Variants in ASB18 observed in about 807,000 individuals in gnomAD.
The protein encoded by ASB18 is ankyrin repeat and SOCS box protein 18.
In ASB18, 33 loss-of-function variants were observed where a neutral mutation model predicts 33.4. That is an observed-to-expected ratio of 0.99 (90% CI 0.75 to 1.32). The LOEUF is 1.32. ASB18 is among the 40% of genes most tolerant of loss of function. ASB18 has a pLI of 0.00. For missense variants in ASB18, 694 were observed against 655.5 expected, an observed-to-expected ratio of 1.06 and a Z score of -0.64; for synonymous variants, 295 against 307.6, an observed-to-expected ratio of 0.96 and a Z score of 0.43.
intron 1 of ASB18, chr2:236,247,539 A>G (rs1189246076): frequency 2.6e-5 from 4 of 152,164 alleles, no homozygotes; most frequent in African/African-American, 9.7e-5. Flanking sequence ...TTTCTGACCC[A>G]GTGCTCTTGA....
Position 236,231,893 on chromosome 2 carries a change from A to G in ASB18, c.596+5796T>C, listed in dbSNP as rs2060567930. On this transcript the variant is annotated intron_variant, in intron 3 of 5. Transcript: ENST00000409749. This position sits in a 1 kb window ranked among gnomAD's most constrained non-coding sequence, Gnocchi z 5.5. ...GACAGAACTGCAAAGAGAAACAGACAAATCCACAATTATACTTAGAGAGTT... is the reference window on the plus strand; with the variant it reads ...GACAGAACTGCAAAGAGAAACAGACGAATCCACAATTATACTTAGAGAGTT... Among the ~76,000 whole-genome samples the G allele has an allele frequency of 6.6e-6, 1 of 152,368 alleles. No homozygotes were observed. The highest frequency in any genetic ancestry group is 1.5e-5 in the Non-Finnish European group (1 of 68,044).
At position 236,239,714 on chromosome 2, in the gene ASB18, T is replaced by C. The variant is rs1015529633; in HGVS notation, c.328+1566A>G. On this transcript the variant is annotated intron_variant, in intron 2 of 5. Transcript: ENST00000409749. This position sits in a 1 kb window ranked among gnomAD's most constrained non-coding sequence, Gnocchi z 5.6. The stretch of plus-strand genomic sequence containing the variant: ...TGGTGGCCACTGGGGACCTGCTCCC[T>C]GTACTCAGATCAATCCCTTCCCCAC... Among the ~76,000 whole-genome samples, 1 of 152,222 alleles carries C rather than the reference T, an allele frequency of 6.6e-6. No individual in the cohort carries two copies. The highest frequency in any genetic ancestry group is 2.4e-5 in the African/African-American group (1 of 41,460).
rs1230622927 is a variant in ASB18, at chr2:236,200,236, C to A, written c.1102-3851G>T. Among the ~76,000 whole-genome samples the A allele has an allele frequency of 6.6e-6, 1 of 152,094 alleles. No homozygotes were observed. The highest frequency in any genetic ancestry group is 2.4e-5 in the African/African-American group (1 of 41,402). On this transcript the variant is annotated intron_variant, in intron 4 of 5. Coordinates refer to ENST00000409749, the MANE Select transcript of ASB18 (RefSeq NM_212556.4). This position sits in a 1 kb window ranked among gnomAD's most constrained non-coding sequence, Gnocchi z 4.2. ...TGGTGGTGCACATCTGTAGTCCCAGCTCCTCGGGAGGCAGAGGTAGGAGAA... is the reference window on the plus strand; with the variant it reads ...TGGTGGTGCACATCTGTAGTCCCAGATCCTCGGGAGGCAGAGGTAGGAGAA...
chr2:236,225,859 C>T lies in ASB18; in HGVS notation c.597-10993G>A, dbSNP rs1869338. Among the ~76,000 whole-genome samples, 20,729 of 151,618 alleles carry T rather than the reference C, an allele frequency of 0.14. 1,492 individuals are homozygous for T. Among genetic ancestry groups the T allele is most frequent in the Middle Eastern group, 0.22 (64 of 294 alleles). On this transcript the variant is annotated intron_variant, in intron 3 of 5. Coordinates refer to ENST00000409749, the MANE Select transcript of ASB18 (RefSeq NM_212556.4). The surrounding 1 kb of genome is among the most constrained non-coding windows in gnomAD (Gnocchi z 5.1). ...AGGTTTTAAAGTCCTGTGCCCATGG[C>T]GAATTGCCAACTAAAAGGGGATGGA...
rs1241999400 is a variant in ASB18, at chr2:236,231,984, T to G, written c.596+5705A>C. Reference sequence around the variant, plus strand: ...AAAATCAGCAAGGATATAGAAATATTAAACAACATGGTTAGGCAATTTGAT... The same window carrying G: ...AAAATCAGCAAGGATATAGAAATATGAAACAACATGGTTAGGCAATTTGAT... On this transcript the variant is annotated intron_variant, in intron 3 of 5. Transcript: ENST00000409749. This position sits in a 1 kb window ranked among gnomAD's most constrained non-coding sequence, Gnocchi z 5.5. Among the ~76,000 whole-genome samples, 1 of 152,196 alleles carries G rather than the reference T, an allele frequency of 6.6e-6. No homozygotes were observed. Among genetic ancestry groups the G allele is most frequent in the East Asian group, 1.9e-4 (1 of 5,202 alleles).
In ASB18 at chr2:236,214,352, C is replaced by A. The variant is rs1012598003; in HGVS notation, c.1101+10G>T. 2 of 1,567,794 alleles carry A rather than the reference C, an allele frequency of 1.3e-6. No individual in the cohort carries two copies. Among genetic ancestry groups the A allele is most frequent in the African/African-American group, 1.4e-5 (1 of 73,674 alleles). ...AGGGCACGTGCCAGCCGGGCTGGATCCTGCCTTACCTTGGGGAAGGCGTCG... is the reference window on the plus strand; with the variant it reads ...AGGGCACGTGCCAGCCGGGCTGGATACTGCCTTACCTTGGGGAAGGCGTCG... On this transcript the variant is annotated intron_variant, in intron 4 of 5. Coordinates refer to ENST00000409749, the MANE Select transcript of ASB18 (RefSeq NM_212556.4). This position sits in a 1 kb window ranked among gnomAD's most constrained non-coding sequence, Gnocchi z 6.5.
At chr2:236,227,248 T>C (rs1278344072) in intron 3 of ASB18, among the ~76,000 whole-genome samples, 1 of 152,172 alleles carries the variant, frequency 6.6e-6, no homozygotes, top group Admixed American at 6.5e-5. Flanking sequence ...CTAGAGACAT[T>C]ATAGCAAATA....
At chr2:236,236,126 A>G (rs1182881677) in intron 3 of ASB18, among the ~76,000 whole-genome samples, 1 of 152,242 alleles carries the variant, frequency 6.6e-6, no homozygotes, top group East Asian at 1.9e-4. Context: ...GACTGGAAAC[A>G]ATCAAATGTC....
chr2:236,237,749 T>A lies in ASB18; in HGVS notation c.536A>T (p.Asp179Val). 6.9e-7 allele frequency: 1 copy of A among 1,456,932 alleles called. No homozygotes were observed. Among genetic ancestry groups the A allele is most frequent in the Non-Finnish European group, 9.0e-7 (1 of 1,110,206 alleles). The allele number at this position is 1,456,932 out of a possible 1,614,324, so 90.3% of individuals were successfully genotyped here. ...RLLLQHRADP[D>V]LLSAEGLAPL... Reference sequence around the variant, plus strand: ...CGCCAGGCCCTCGGCGCTGAGCAGGTCGGGGTCGGCGCGGTGCTGCAGCAG... The same window carrying A: ...CGCCAGGCCCTCGGCGCTGAGCAGGACGGGGTCGGCGCGGTGCTGCAGCAG... The change falls in exon 3 of 6, where the codon GAC (aspartate) becomes GTC (valine). Residue 179 changes from aspartate (D) to valine (V), a missense_variant. Physicochemically the swap from Asp to Val is radical, Grantham distance 152. Coordinates refer to ENST00000409749, the MANE Select transcript of ASB18 (RefSeq NM_212556.4). This position sits in a 1 kb window ranked among gnomAD's most constrained non-coding sequence, Gnocchi z 6.2.
intron 1 of ASB18, among the ~76,000 whole-genome samples, chr2:236,247,013 T>C (rs2060648346): frequency 6.6e-6 from 1 of 152,148 alleles, no homozygotes. Context: ...ATAAAAGCCA[T>C]TCCACACTGC....
intron 4 of ASB18, among the ~76,000 whole-genome samples, chr2:236,201,567 A>C (rs2106263400): frequency 6.6e-6 from 1 of 152,158 alleles, no homozygotes; most frequent in African/African-American, 2.4e-5. Flanking sequence ...TTTTACTATT[A>C]ATTTTCTGGT....
At chr2:236,261,458 G>T (rs961870556) in intron 1 of ASB18, among the ~76,000 whole-genome samples, 1 of 152,134 alleles carries the variant, frequency 6.6e-6, no homozygotes, top group East Asian at 1.9e-4. Flanking sequence ...ACGTCTGACC[G>T]TGTTGCTCCC....
chr2:236,225,207 G>C lies in ASB18; in HGVS notation c.597-10341C>G, dbSNP rs1198485884. 3.3e-5 allele frequency among the ~76,000 whole-genome samples: 5 copies of C among 151,888 alleles called. No individual in the cohort carries two copies. Among genetic ancestry groups the C allele is most frequent in the Non-Finnish European group, 7.4e-5 (5 of 67,992 alleles). On this transcript the variant is annotated intron_variant, in intron 3 of 5. Transcript: ENST00000409749. The surrounding 1 kb of genome is among the most constrained non-coding windows in gnomAD (Gnocchi z 5.1). ...CATGATCATGACTCACTGTAGCCTCGACTTCCTGGGCTCAAGTGATCCTCC... is the reference window on the plus strand; with the variant it reads ...CATGATCATGACTCACTGTAGCCTCCACTTCCTGGGCTCAAGTGATCCTCC...
In ASB18 at chr2:236,237,978, G is replaced by A. The variant is rs2060603603; in HGVS notation, c.329-22C>T. ...AGGCCTGCGGGGAGGGAGGTGGGATGTAAGGTCAGGGGGAGGTTAGTTGTG... is the reference window on the plus strand; with the variant it reads ...AGGCCTGCGGGGAGGGAGGTGGGATATAAGGTCAGGGGGAGGTTAGTTGTG... On this transcript the variant is annotated intron_variant, in intron 2 of 5. Coordinates refer to ENST00000409749, the MANE Select transcript of ASB18 (RefSeq NM_212556.4). This position sits in a 1 kb window ranked among gnomAD's most constrained non-coding sequence, Gnocchi z 6.2. 7.4e-6 allele frequency: 11 copies of A among 1,478,678 alleles called. No individual in the cohort carries two copies. The highest frequency in any genetic ancestry group is 9.8e-6 in the Non-Finnish European group (11 of 1,123,342). 91.6% of individuals were successfully genotyped at this position (1,478,678 alleles called of 1,614,324 possible).
chr2:236,258,335 C>A (rs1013109806), intron 1 of ASB18, among the ~76,000 whole-genome samples: 1 of 152,160 alleles, frequency 6.6e-6, no homozygotes, highest in Admixed American at 6.5e-5. Context: ...TGATCCAGAC[C>A]AATCCATTTT....
In ASB18 at chr2:236,195,395, C is replaced by A. The variant is rs1311637344; in HGVS notation, c.1216-338G>T. ...CCCTGTTCATCTCCCCAAGTCATGA[C>A]CAGCTCTTCCCTTCTGCCAGGGAGG... On this transcript the variant is annotated intron_variant, in intron 5 of 5. Coordinates refer to ENST00000409749, the MANE Select transcript of ASB18 (RefSeq NM_212556.4). This position sits in a 1 kb window ranked among gnomAD's most constrained non-coding sequence, Gnocchi z 5.5. Among the ~76,000 whole-genome samples, 3 of 152,288 alleles carry A rather than the reference C, an allele frequency of 2.0e-5. No individual in the cohort carries two copies. Among genetic ancestry groups the A allele is most frequent in the Middle Eastern group, 3.4e-3 (1 of 294 alleles).
chr2:236,207,692 G>A (rs996122096), intron 4 of ASB18, among the ~76,000 whole-genome samples: 3 of 152,162 alleles, frequency 2.0e-5, no homozygotes, highest in Non-Finnish European at 2.9e-5. Flanking sequence ...CTTGAGCTTC[G>A]GCCTGGAGGC....
At chr2:236,212,912 G>A (rs1214424175) in intron 4 of ASB18, among the ~76,000 whole-genome samples, 1 of 152,214 alleles carries the variant, frequency 6.6e-6, no homozygotes, top group Non-Finnish European at 1.5e-5. Context: ...TTACAGGTGT[G>A]AGTCACCATG....
chr2:236,237,607 G>A lies in ASB18; in HGVS notation c.596+82C>T. The A allele has an allele frequency of 8.5e-7, 1 of 1,173,756 alleles. No individual in the cohort carries two copies. Among genetic ancestry groups the A allele is most frequent in the Non-Finnish European group, 1.1e-6 (1 of 907,552 alleles). The allele number at this position is 1,173,756 out of a possible 1,614,324, so 72.7% of individuals were successfully genotyped here. A position where few individuals can be genotyped will look rare whatever the true frequency, so the allele number is the denominator to read the frequency against. The stretch of plus-strand genomic sequence containing the variant: ...CGGGGGCTGGGACGGAGGCGGAGGC[G>A]GGGTCGGCGGTCTCGTGGGGGGAGG... On this transcript the variant is annotated intron_variant, in intron 3 of 5. Coordinates refer to ENST00000409749, the MANE Select transcript of ASB18 (RefSeq NM_212556.4). The surrounding 1 kb of genome is among the most constrained non-coding windows in gnomAD (Gnocchi z 6.2).
Sources: gnomAD v4.1 joint callset for allele counts (sites outside exome capture counted in the v4.1 genomes callset) on GRCh38, gnomAD v4.1.1 for gene constraint, Gnocchi (gnomAD v3.1) non-coding constraint, MANE v1.5 for transcripts, NCBI Gene and HGNC (gene_info 2026-07-23, HGNC 2026-07-21) for gene names.